The following IAPP variants were observed in gnomAD, a reference collection of about 807,000 sequenced individuals.
IAPP encodes the protein Islet amyloid polypeptide (diabetes-associated peptide; amylin).
IAPP carries 4 observed loss-of-function variants against 2.9 expected under a neutral mutation model. That is an observed-to-expected ratio of 1.39 (90% CI 0.69 to 3.19). The LOEUF (loss-of-function observed/expected upper bound fraction) is 3.19, where lower values mean the gene tolerates loss of function less well. Ranked by LOEUF, IAPP falls within the 30% of genes most tolerant of loss-of-function variation. The probability of loss-of-function intolerance (pLI) is 0.01; values close to 1 mark genes in which losing one functional copy is unlikely to be tolerated. For synonymous variants in IAPP, 40 were observed against 42.1 expected, an observed-to-expected ratio of 0.95 and a Z score of 0.19; for missense variants, 114 against 105.3, an observed-to-expected ratio of 1.08 and a Z score of -0.36.
intron 2 of IAPP, chr12:21,373,639 C>A (rs1465764246): frequency 1.6e-5 from 11 of 700,414 alleles, no homozygotes; most frequent in Non-Finnish European, 2.6e-5. Context: ...GAACTTCTGA[C>A]AGACAGGAAT....
intron 1 of IAPP, among the ~76,000 whole-genome samples, chr12:21,362,978 C>T (rs901222877): frequency 1.3e-5 from 2 of 152,126 alleles, no homozygotes; most frequent in African/African-American, 4.8e-5. Context: ...GAACATTAGA[C>T]AGATCAACAA....
At chr12:21,362,321 ATAAAATGCTT>A (rs1439429944) in intron 1 of IAPP, among the ~76,000 whole-genome samples, 1 of 152,192 alleles carries the variant, frequency 6.6e-6, no homozygotes, top group Non-Finnish European at 1.5e-5. Flanking sequence ...TGATGGAGAA[ATAAAATGCTT>A]TACAGACAAA....
At position 21,379,040 on chromosome 12, in the gene IAPP, A is replaced by C. The variant is rs1940414312; in HGVS notation, c.*614A>C. 6.6e-6 allele frequency: 1 copy of C among 152,258 alleles called. No homozygotes were observed. Among genetic ancestry groups the C allele is most frequent in the South Asian group, 2.1e-4 (1 of 4,828 alleles). The allele number at this position is 152,258 out of a possible 1,614,324, so 9.4% of individuals were successfully genotyped here. On this transcript the variant is annotated 3_prime_UTR_variant, in exon 3 of 3. Coordinates refer to ENST00000240652, the MANE Select transcript of IAPP (RefSeq NM_000415.3). ...CAGTGAGCCGAGATTGCACCACTGC[A>C]CTCCAGCCTGGGTGGCAGAGTGAGA...
chr12:21,378,248 A>C lies in IAPP; in HGVS notation c.92A>C (p.Glu31Ala). The C allele has an allele frequency of 1.2e-6, 2 of 1,614,144 alleles. No homozygotes were observed. The highest frequency in any genetic ancestry group is 1.3e-5 in the African/African-American group (1 of 75,062). ...KATPIESHQV[E>A]KRKCNTATCA... ...TTCCATGTTACCAGTCATCAGGTGG[A>C]AAAGCGGAAATGCAACACTGCCACA... The change falls in exon 3 of 3, where the codon GAA becomes GCA. Residue 31 changes from glutamate to alanine, a missense_variant. Glu to Ala is a moderately radical substitution (Grantham distance 107). Transcript: ENST00000240652.
At chr12:21,371,204 A>G (rs1939765462), upstream of IAPP, among the ~76,000 whole-genome samples, 1 of 152,160 alleles carries the variant, frequency 6.6e-6, no homozygotes, top group Non-Finnish European at 1.5e-5. Context: ...TTGTTATAGC[A>G]ATGGTAAACT....
At chr12:21,376,662 T>TAA (rs141702135) in intron 2 of IAPP, among the ~76,000 whole-genome samples, 8,095 of 148,122 alleles carry the variant, frequency 0.055, 534 homozygotes, top group African/African-American at 0.17. Context: ...GAGTAAAATT[T>TAA]AAAAAAAAAA....
intron 1 of IAPP, among the ~76,000 whole-genome samples, chr12:21,363,870 A>G (rs2137059153): frequency 6.6e-6 from 1 of 152,298 alleles, no homozygotes. Context: ...CCCTGAATAG[A>G]CCAATAACAG....
chr12:21,361,640 C>T (rs1938895180), intron 1 of IAPP, among the ~76,000 whole-genome samples: 1 of 152,042 alleles, frequency 6.6e-6, no homozygotes, highest in African/African-American at 2.4e-5. Context: ...AGCTAAAAAC[C>T]TTGAAAAAAG....
chr12:21,375,131 T>C (rs1384537228), intron 2 of IAPP, among the ~76,000 whole-genome samples: 1 of 152,200 alleles, frequency 6.6e-6, no homozygotes, highest in Non-Finnish European at 1.5e-5. Flanking sequence ...TATGTTTTTA[T>C]AGATGTTTGT....
At chr12:21,373,623 T>G (rs2137094497) in intron 2 of IAPP, 192 bp downstream of exon 2, 1 of 700,222 alleles carries the variant, frequency 1.4e-6, no homozygotes, top group African/African-American at 1.8e-5. Context: ...ATAAATATCT[T>G]TGATGGAACT....
upstream of IAPP, among the ~76,000 whole-genome samples, chr12:21,368,043 A>T (rs147816821): frequency 3.7e-3 from 564 of 152,284 alleles, 12 homozygotes; most frequent in Non-Finnish European, 6.3e-4. Flanking sequence ...ATCAGCAAAG[A>T]TTGCTAAAAC....
At chr12:21,374,053 T>C (rs1360923637) in intron 2 of IAPP, among the ~76,000 whole-genome samples, 2 of 152,188 alleles carry the variant, frequency 1.3e-5, no homozygotes, top group Non-Finnish European at 2.9e-5. Context: ...TTATTCTTCT[T>C]ATTACTTCTA....
intron 1 of IAPP, among the ~76,000 whole-genome samples, chr12:21,362,310 G>A (rs529003115): frequency 6.6e-5 from 10 of 152,026 alleles, no homozygotes; most frequent in Non-Finnish European, 7.4e-5. Flanking sequence ...AGCTTCATAC[G>A]TGATGGAGAA....
chr12:21,365,183 T>C (rs1398927223), intron 1 of IAPP, among the ~76,000 whole-genome samples: 1 of 152,178 alleles, frequency 6.6e-6, no homozygotes, highest in African/African-American at 2.4e-5. Context: ...AGCATGGTAC[T>C]GGTACCAAAA....
chr12:21,377,216 A>G (rs1460404211), intron 2 of IAPP, among the ~76,000 whole-genome samples: 1 of 152,196 alleles, frequency 6.6e-6, no homozygotes, highest in African/African-American at 2.4e-5. Flanking sequence ...TAGTCTTATC[A>G]TTAAAATTCT....
chr12:21,365,234 A>G (rs1271684040), intron 1 of IAPP, among the ~76,000 whole-genome samples: 1 of 152,194 alleles, frequency 6.6e-6, no homozygotes, highest in African/African-American at 2.4e-5. Flanking sequence ...GCCCTCAGAA[A>G]TAATACCACA....
chr12:21,371,043 A>G (rs1465530228), upstream of IAPP, among the ~76,000 whole-genome samples: 1 of 152,228 alleles, frequency 6.6e-6, no homozygotes, highest in Non-Finnish European at 1.5e-5. Flanking sequence ...TGCAGAGAGT[A>G]GCAGCTTACG....
chr12:21,373,728 C>A, intron 2 of IAPP: 1 of 701,228 alleles, frequency 1.4e-6, no homozygotes, highest in South Asian at 1.5e-5. Context: ...GGAAAAAAAT[C>A]AAAAGGTAGT....
chr12:21,369,851 T>C (rs1041908319), upstream of IAPP, among the ~76,000 whole-genome samples: 2 of 152,188 alleles, frequency 1.3e-5, no homozygotes, highest in African/African-American at 2.4e-5. Flanking sequence ...AAGGAGATTA[T>C]GCCCTTGTAA....
Sources: allele counts gnomAD v4.1 joint callset (sites outside exome capture counted in the v4.1 genomes callset), GRCh38; gene constraint gnomAD v4.1.1; transcripts MANE v1.5; gene names NCBI Gene and HGNC (gene_info 2026-07-23, HGNC 2026-07-21).